Variants in GHR observed in about 807,000 individuals in gnomAD.
The protein encoded by GHR is growth hormone receptor, also known as GH receptor.
A neutral mutation model predicts 67.1 loss-of-function variants in GHR; 35 were observed. The ratio of observed to expected loss-of-function variants is 0.52; its 90% CI spans 0.40 to 0.69. The LOEUF is 0.69. Ranked by LOEUF, GHR falls within the 30% of genes least tolerant of loss-of-function variation. The pLI, the probability that GHR is intolerant of heterozygous loss-of-function variation, is 0.00. For missense variants in GHR, 792 were observed against 764.6 expected (o/e 1.04, Z -0.42); for synonymous variants, 272 against 269.1 (o/e 1.01, Z -0.10).
chr5:42,423,608 G>A lies in GHR; in HGVS notation c.-359G>A, dbSNP rs1383651543. ...CTGCAACCTGGATCTGGGGGACTGC[G>A]GGCCAGGCGCGGCGTGACCCCTGGT... On this transcript the variant is annotated 5_prime_UTR_variant, in exon 1 of 10. Transcript: ENST00000230882. Among the ~76,000 whole-genome samples, 1 of 152,208 alleles carries A rather than the reference G, an allele frequency of 6.6e-6. No homozygotes were observed. Among genetic ancestry groups the A allele is most frequent in the African/African-American group, 2.4e-5 (1 of 41,466 alleles).
intron 1 of GHR, among the ~76,000 whole-genome samples, chr5:42,550,976 A>C (rs1372145468): frequency 6.6e-6 from 1 of 152,176 alleles, no homozygotes; most frequent in Non-Finnish European, 1.5e-5. Flanking sequence ...ACTTCTAAAA[A>C]TCCAGAAATG....
At chr5:42,698,452 A>G (rs1455366051) in intron 5 of GHR, among the ~76,000 whole-genome samples, 1 of 152,224 alleles carries the variant, frequency 6.6e-6, no homozygotes, top group African/African-American at 2.4e-5. Flanking sequence ...AGGGTGAGGA[A>G]TTATTGCCAT....
intron 2 of GHR, among the ~76,000 whole-genome samples, chr5:42,571,806 T>C (rs1380192640): frequency 6.6e-6 from 1 of 152,196 alleles, no homozygotes; most frequent in Non-Finnish European, 1.5e-5. Flanking sequence ...ACCACTTTGG[T>C]TCAGTATCCT....
At chr5:42,540,563 C>T (rs915824100) in intron 1 of GHR, among the ~76,000 whole-genome samples, 2 of 152,072 alleles carry the variant, frequency 1.3e-5, no homozygotes, top group Non-Finnish European at 2.9e-5. Flanking sequence ...CTACGGGAAG[C>T]CTGTCACTTT....
intron 8 of GHR, 90 bp from the exon 9 acceptor site, chr5:42,717,962 G>C (rs1242143583): frequency 2.9e-5 from 21 of 736,648 alleles, no homozygotes; most frequent in Non-Finnish European, 5.1e-5. Context: ...AAAAGTAATA[G>C]TATTGCCAAT....
Position 42,715,017 on chromosome 5 carries a change from A to G in GHR, c.875+1498A>G, listed in dbSNP as rs186618028. ...TATTAGTTAACAATATTAGGAAGAA[A>G]AAATTATCCTCTCAAAAAGTAGGAT... On this transcript the variant is annotated intron_variant, in intron 8 of 9. Transcript: ENST00000230882. The G allele has an allele frequency of 1.3e-3, 463 of 367,098 alleles. 6 individuals are homozygous for G. The highest frequency in any genetic ancestry group is 9.4e-3 in the African/African-American group (427 of 45,264). 22.7% of individuals were successfully genotyped at this position (367,098 alleles called of 1,614,324 possible).
At chr5:42,458,320 A>G (rs1307554153) in intron 1 of GHR, among the ~76,000 whole-genome samples, 1 of 152,210 alleles carries the variant, frequency 6.6e-6, no homozygotes, top group African/African-American at 2.4e-5. Flanking sequence ...CCCAGAAATA[A>G]TGCCACACAC....
At chr5:42,647,435 G>A (rs1035094348) in intron 3 of GHR, among the ~76,000 whole-genome samples, 9 of 151,964 alleles carry the variant, frequency 5.9e-5, no homozygotes, top group Admixed American at 3.9e-4. Context: ...ATAGCTGGGC[G>A]TGGTGGCAGG....
intron 3 of GHR, among the ~76,000 whole-genome samples, chr5:42,630,812 C>T (rs1753893909): frequency 7.6e-6 from 1 of 132,340 alleles, no homozygotes. Flanking sequence ...AAACCATCCT[C>T]CTGACACAAA....
intron 3 of GHR, chr5:42,646,388 G>A: frequency 2.2e-6 from 1 of 453,184 alleles, no homozygotes; most frequent in Non-Finnish European, 4.4e-6. Context: ...GGCTCACTGG[G>A]TGAGGTTTTG....
chr5:42,464,085 A>G (rs1409146153), intron 1 of GHR, among the ~76,000 whole-genome samples: 3 of 148,052 alleles, frequency 2.0e-5, no homozygotes, highest in Non-Finnish European at 3.0e-5. Flanking sequence ...TCAGAGTCAC[A>G]TAACTTGATT....
At chr5:42,468,533 A>G in intron 1 of GHR, 1 of 811,950 alleles carries the variant, frequency 1.2e-6, no homozygotes, top group Non-Finnish European at 2.0e-6. Flanking sequence ...TCCTACTGGC[A>G]CGAGAACAAT....
chr5:42,479,460 G>C (rs1286173399), intron 1 of GHR, among the ~76,000 whole-genome samples: 7 of 152,180 alleles, frequency 4.6e-5, no homozygotes, highest in African/African-American at 1.7e-4. Context: ...AGAAGGAATG[G>C]TACCAGCTTC....
intron 2 of GHR, among the ~76,000 whole-genome samples, chr5:42,585,939 A>G (rs1300300679): frequency 6.6e-6 from 1 of 152,186 alleles, no homozygotes; most frequent in East Asian, 1.9e-4. Flanking sequence ...TAGTTTTGTG[A>G]CCTCAGAGAA....
intron 1 of GHR, among the ~76,000 whole-genome samples, chr5:42,446,354 T>C (rs1388712787): frequency 6.6e-6 from 1 of 152,164 alleles, no homozygotes; most frequent in Non-Finnish European, 1.5e-5. Flanking sequence ...TTAAACAGTA[T>C]AGCCCATAAC....
intron 1 of GHR, among the ~76,000 whole-genome samples, chr5:42,474,915 G>T (rs181823042): frequency 8.6e-6 from 1 of 115,992 alleles, no homozygotes; most frequent in Non-Finnish European, 1.6e-5. Context: ...ACAGAGTCTC[G>T]CTCTGTTGCC....
intron 3 of GHR, among the ~76,000 whole-genome samples, chr5:42,645,279 T>C (rs1402717722): frequency 6.6e-6 from 1 of 152,226 alleles, no homozygotes; most frequent in Non-Finnish European, 1.5e-5. Flanking sequence ...TCTGGCACGA[T>C]GGTATTTGTT....
At chr5:42,513,937 A>G (rs1162685542) in intron 1 of GHR, 1 of 175,142 alleles carries the variant, frequency 5.7e-6, no homozygotes, top group East Asian at 1.9e-4. Flanking sequence ...TGGGTTAAAT[A>G]TAAAAATGAC....
chr5:42,446,977 T>A (rs1360532734), intron 1 of GHR, among the ~76,000 whole-genome samples: 1 of 152,162 alleles, frequency 6.6e-6, no homozygotes, highest in Non-Finnish European at 1.5e-5. Context: ...TTAGTGGTGG[T>A]GATGAGATTG....
Sources: allele counts gnomAD v4.1 joint callset (sites outside exome capture counted in the v4.1 genomes callset), GRCh38; gene constraint gnomAD v4.1.1; transcripts MANE v1.5; gene names NCBI Gene and HGNC (gene_info 2026-07-23, HGNC 2026-07-21).